The following SRFBP1 variants were observed in gnomAD, a reference collection of about 807,000 sequenced individuals.
The protein encoded by SRFBP1 is serum response factor binding protein 1.
Under a neutral mutation model 45.5 loss-of-function variants are expected in SRFBP1, and 47 were observed. The observed-to-expected ratio is 1.03, with a 90% confidence interval of 0.82 to 1.32. SRFBP1 has a LOEUF of 1.32. Among genes scored for constraint, SRFBP1 ranks in the 40% most tolerant of loss-of-function variants. The pLI is 0.00. For missense variants in SRFBP1, 621 were observed against 484.6 expected (o/e 1.28, Z -2.64); for synonymous variants, 203 against 166.3 (o/e 1.22, Z -1.70).
chr5:122,024,208 G>A (rs1753420963), intron 7 of SRFBP1, among the ~76,000 whole-genome samples: 1 of 152,210 alleles, frequency 6.6e-6, no homozygotes, highest in African/African-American at 2.4e-5. Flanking sequence ...CCTTTGTACA[G>A]CAAACTCCAT....
At chr5:122,031,914 C>T (rs1435687142), downstream of SRFBP1, among the ~76,000 whole-genome samples, 2 of 152,114 alleles carry the variant, frequency 1.3e-5, no homozygotes, top group Non-Finnish European at 1.5e-5. Flanking sequence ...ATGCAATGTC[C>T]AAAATAAGTA....
chr5:122,069,884 C>G (rs1423336178), intron 2 of SRFBP1: 1 of 661,492 alleles, frequency 1.5e-6, no homozygotes, highest in Non-Finnish European at 2.8e-6. Flanking sequence ...TCTCCTTTGC[C>G]TTCCATTATT....
At chr5:122,061,978 GT>G (rs1239096451) in intron 2 of SRFBP1, among the ~76,000 whole-genome samples, 1 of 151,702 alleles carries the variant, frequency 6.6e-6, no homozygotes, top group Non-Finnish European at 1.5e-5. Context: ...ATATCCCAGA[GT>G]TTTCCAAGCA....
Position 122,027,157 on chromosome 5 carries a change from TA to T in SRFBP1, c.*42del, listed in dbSNP as rs539546273. Reference sequence around the variant, plus strand: ...GCCTCTTTCTGCAAACTTTTCCATCTAAAAAAAAAAATGTTTTTTTTAAGAC... The same window carrying T: ...GCCTCTTTCTGCAAACTTTTCCATCTAAAAAAAAAATGTTTTTTTTAAGAC... On this transcript the variant is annotated 3_prime_UTR_variant, in exon 8 of 8. Transcript: ENST00000339397. 41,055 of 1,154,314 alleles carry T rather than the reference TA, an allele frequency of 0.036. No individual in the cohort carries two copies. The highest frequency in any genetic ancestry group is 0.044 in the South Asian group (2,606 of 59,074). 71.5% of individuals were successfully genotyped at this position (1,154,314 alleles called of 1,614,324 possible). A position where few individuals can be genotyped will look rare whatever the true frequency, so the allele number is the denominator to read the frequency against.
intron 2 of SRFBP1, chr5:122,064,067 T>C (rs1343007227): frequency 6.6e-6 from 1 of 151,932 alleles, no homozygotes; most frequent in African/African-American, 2.4e-5. Context: ...ATATGGCATA[T>C]TGTAAACTGA....
At chr5:121,970,524 A>T (rs1752165981) in intron 1 of SRFBP1, among the ~76,000 whole-genome samples, 1 of 151,524 alleles carries the variant, frequency 6.6e-6, no homozygotes, top group African/African-American at 2.4e-5. Flanking sequence ...AATTCTGTTT[A>T]TGCAACGTGG....
At chr5:122,070,643 T>G in intron 2 of SRFBP1, 1 of 888,068 alleles carries the variant, frequency 1.1e-6, no homozygotes, top group African/African-American at 1.7e-5. Context: ...CAGACTATGA[T>G]AAATAATATG....
At chr5:121,991,421 G>C (rs528812395) in intron 3 of SRFBP1, among the ~76,000 whole-genome samples, 133 of 152,008 alleles carry the variant, frequency 8.7e-4, no homozygotes, top group Non-Finnish European at 1.3e-3. Context: ...AATAATTTGC[G>C]AGTCCTGACA....
chr5:122,036,160 A>C (rs771168911), intron 2 of SRFBP1, among the ~76,000 whole-genome samples: 1 of 152,022 alleles, frequency 6.6e-6, no homozygotes, highest in African/African-American at 2.4e-5. Flanking sequence ...TGAACTAACA[A>C]TTCTTTCTGA....
intron 1 of SRFBP1, among the ~76,000 whole-genome samples, chr5:121,969,061 T>C (rs1752135324): frequency 6.6e-6 from 1 of 152,196 alleles, no homozygotes; most frequent in Non-Finnish European, 1.5e-5. Context: ...TTTAATTTTG[T>C]CTTTGGACCA....
intron 4 of SRFBP1, among the ~76,000 whole-genome samples, chr5:122,007,574 GT>G (rs2112691845): frequency 6.6e-6 from 1 of 152,076 alleles, no homozygotes; most frequent in African/African-American, 2.4e-5. Flanking sequence ...TAGAGGCTAG[GT>G]CCACAAAAGC....
At chr5:122,073,953 C>T (rs922178755) in intron 2 of SRFBP1, 92 of 1,485,362 alleles carry the variant, frequency 6.2e-5, no homozygotes, top group Non-Finnish European at 7.8e-5. Flanking sequence ...TGCTAACTAA[C>T]GGTAGATGAC....
chr5:122,012,146 A>C (rs1001330403), intron 4 of SRFBP1, among the ~76,000 whole-genome samples: 4 of 152,092 alleles, frequency 2.6e-5, no homozygotes, highest in African/African-American at 9.7e-5. Flanking sequence ...CAAGCCTAGA[A>C]GGTTAGTCTA....
downstream of SRFBP1, chr5:122,076,754 G>A: frequency 6.0e-6 from 4 of 665,298 alleles, no homozygotes; most frequent in South Asian, 7.3e-5. Context: ...AGCATGCCCA[G>A]GAGGTCACGT....
chr5:121,977,889 G>A (rs2112821886), intron 3 of SRFBP1, among the ~76,000 whole-genome samples: 1 of 152,186 alleles, frequency 6.6e-6, no homozygotes, highest in South Asian at 2.1e-4. Context: ...ATAGACTATG[G>A]TGTATGAAAC....
chr5:122,070,179 C>T (rs1561417289), intron 2 of SRFBP1: 1 of 1,392,436 alleles, frequency 7.2e-7, no homozygotes, highest in Non-Finnish European at 1.0e-6. Context: ...CTGGGCAACA[C>T]AAAGAGTTCC....
chr5:122,006,235 G>A (rs755521811), intron 4 of SRFBP1, among the ~76,000 whole-genome samples: 1 of 151,870 alleles, frequency 6.6e-6, no homozygotes, highest in Non-Finnish European at 1.5e-5. Flanking sequence ...TGGCTTATAA[G>A]GTAGGCCTTT....
At chr5:121,974,319 A>G in intron 2 of SRFBP1, 35 bp downstream of exon 2, 1 of 1,453,542 alleles carries the variant, frequency 6.9e-7, no homozygotes, top group Non-Finnish European at 9.6e-7. Flanking sequence ...TGTGACTAAT[A>G]AAATGTCAAA....
chr5:122,010,806 C>T (rs909905072), intron 4 of SRFBP1, among the ~76,000 whole-genome samples: 1 of 152,036 alleles, frequency 6.6e-6, no homozygotes, highest in African/African-American at 2.4e-5. Context: ...CAGGAACATA[C>T]AGTAGACAGA....
Sources: allele counts gnomAD v4.1 joint callset (sites outside exome capture counted in the v4.1 genomes callset), GRCh38; gene constraint gnomAD v4.1.1; transcripts MANE v1.5; gene names NCBI Gene and HGNC (gene_info 2026-07-23, HGNC 2026-07-21).